Variants in ARB2A observed in about 807,000 individuals in gnomAD.
ARB2A encodes the protein cotranscriptional regulator ARB2A.
At chr5:93,859,940 T>C in the ARB2A span, among the ~76,000 whole-genome samples, 1 of 152,194 alleles carries the variant, frequency 6.6e-6, no homozygotes, top group Non-Finnish European at 1.5e-5. Flanking sequence ...TACTAATAAG[T>C]ATAGATTCTA....
the ARB2A span, among the ~76,000 whole-genome samples, chr5:93,929,770 T>C: frequency 6.6e-6 from 1 of 152,184 alleles, no homozygotes. Flanking sequence ...ATTTATCAAC[T>C]ACATAAATTC....
chr5:93,985,429 C>A, the ARB2A span, among the ~76,000 whole-genome samples: 1 of 151,810 alleles, frequency 6.6e-6, no homozygotes, highest in African/African-American at 2.4e-5. Flanking sequence ...CGGTCTCCCC[C>A]TCTCCCTCTT....
chr5:93,793,239 A>ATTTTTTTTTTTTTT, the ARB2A span, among the ~76,000 whole-genome samples: 6 of 64,774 alleles, frequency 9.3e-5, no homozygotes, highest in African/African-American at 9.9e-5. Flanking sequence ...CTTCTGGCTA[A>ATTTTTTTTTTTTTT]TTTTTTTTTT....
At chr5:93,652,408 C>T in the ARB2A span, among the ~76,000 whole-genome samples, 1 of 152,114 alleles carries the variant, frequency 6.6e-6, no homozygotes, top group Non-Finnish European at 1.5e-5. Flanking sequence ...TATTAGTGTA[C>T]TATTTCTCAG....
At chr5:94,065,154 T>A in the ARB2A span, among the ~76,000 whole-genome samples, 4 of 152,220 alleles carry the variant, frequency 2.6e-5, no homozygotes, top group African/African-American at 4.8e-5. Flanking sequence ...ATGGCCCAAC[T>A]ACATGCTGAC....
the ARB2A span, among the ~76,000 whole-genome samples, chr5:93,923,727 T>C: frequency 6.6e-6 from 1 of 152,052 alleles, no homozygotes; most frequent in African/African-American, 2.4e-5. Flanking sequence ...GAGGATTGCT[T>C]GAGCCCAGGA....
the ARB2A span, among the ~76,000 whole-genome samples, chr5:93,838,004 G>A: frequency 6.6e-6 from 1 of 152,084 alleles, no homozygotes; most frequent in South Asian, 2.1e-4. Context: ...GAGATCTTTA[G>A]TTTGATTAGG....
the ARB2A span, among the ~76,000 whole-genome samples, chr5:93,987,452 T>A: frequency 6.6e-6 from 1 of 152,182 alleles, no homozygotes; most frequent in South Asian, 2.1e-4. Context: ...AAAGGACATT[T>A]ACCCTGGATT....
the ARB2A span, among the ~76,000 whole-genome samples, chr5:94,039,709 C>A: frequency 6.6e-6 from 1 of 152,078 alleles, no homozygotes; most frequent in Non-Finnish European, 1.5e-5. Context: ...GAACCCTCTC[C>A]TGGGGTCTGG....
chr5:93,879,343 A>G, the ARB2A span, among the ~76,000 whole-genome samples: 1 of 152,048 alleles, frequency 6.6e-6, no homozygotes, highest in Non-Finnish European at 1.5e-5. Flanking sequence ...ATGTTTACTA[A>G]GAAAAAACAT....
chr5:93,761,078 G>A, the ARB2A span, among the ~76,000 whole-genome samples: 1 of 152,074 alleles, frequency 6.6e-6, no homozygotes, highest in Non-Finnish European at 1.5e-5. Context: ...CCGGGGGGTG[G>A]AGCCAAGATG....
the ARB2A span, among the ~76,000 whole-genome samples, chr5:93,752,057 A>G: frequency 6.6e-6 from 1 of 152,188 alleles, no homozygotes; most frequent in Non-Finnish European, 1.5e-5. Flanking sequence ...TGGAAGCCAT[A>G]AAGACATGGC....
At chr5:93,627,500 A>G in the ARB2A span, among the ~76,000 whole-genome samples, 1 of 142,514 alleles carries the variant, frequency 7.0e-6, no homozygotes. Context: ...GCTGGAGTGC[A>G]GTGGCATGAT....
chr5:93,909,447 T>G, the ARB2A span, among the ~76,000 whole-genome samples: 1 of 150,870 alleles, frequency 6.6e-6, no homozygotes, highest in Non-Finnish European at 1.5e-5. Flanking sequence ...AAAAAAAATG[T>G]TATTGATCTC....
the ARB2A span, among the ~76,000 whole-genome samples, chr5:93,834,400 G>A: frequency 6.6e-6 from 1 of 152,116 alleles, no homozygotes; most frequent in South Asian, 2.1e-4. Flanking sequence ...AAAGACTAGT[G>A]ACACACAATT....
At chr5:93,737,992 C>T in the ARB2A span, 1 of 420,312 alleles carries the variant, frequency 2.4e-6, no homozygotes, top group Non-Finnish European at 4.6e-6. Context: ...AAATTAAAGT[C>T]TGTCTGCATC....
chr5:93,855,226 C>G, the ARB2A span, among the ~76,000 whole-genome samples: 18 of 152,242 alleles, frequency 1.2e-4, no homozygotes, highest in African/African-American at 4.3e-4. Context: ...CCTTCTCTGG[C>G]TCTTTTGATC....
the ARB2A span, among the ~76,000 whole-genome samples, chr5:93,810,407 T>C: frequency 7.2e-5 from 11 of 152,164 alleles, no homozygotes; most frequent in African/African-American, 2.6e-4. Context: ...TGGTTTGGTT[T>C]TGTTTTGCTT....
At chr5:93,983,519 A>T in the ARB2A span, among the ~76,000 whole-genome samples, 2 of 152,164 alleles carry the variant, frequency 1.3e-5, no homozygotes, top group Non-Finnish European at 2.9e-5. Flanking sequence ...ATATAAATAA[A>T]GTAAAAGGGA....
Sources: allele counts gnomAD v4.1 joint callset (sites outside exome capture counted in the v4.1 genomes callset), GRCh38; gene constraint gnomAD v4.1.1; transcripts MANE v1.5; gene names NCBI Gene and HGNC (gene_info 2026-07-23, HGNC 2026-07-21).